The following ADCY2 variants were observed in gnomAD, a reference collection of about 807,000 sequenced individuals.
The protein encoded by ADCY2 is adenylate cyclase 2.
ADCY2 carries 31 observed loss-of-function variants against 125.2 expected under a neutral mutation model. The ratio of observed to expected loss-of-function variants is 0.25; its 90% CI spans 0.19 to 0.33. The LOEUF (loss-of-function observed/expected upper bound fraction) is 0.33, where lower values mean the gene tolerates loss of function less well. Among genes scored for constraint, ADCY2 ranks in the 10% least tolerant of loss-of-function variants. The probability of loss-of-function intolerance (pLI) is 1.00; values close to 1 mark genes in which losing one functional copy is unlikely to be tolerated. For missense variants in ADCY2, 904 were observed against 1,418.2 expected (o/e 0.64, Z 5.82); for synonymous variants, 512 against 548.4 (o/e 0.93, Z 0.93).
At chr5:7,626,479 G>A (rs1227343777) in intron 4 of ADCY2, among the ~76,000 whole-genome samples, 163 bp downstream of exon 4, 3 of 152,172 alleles carry the variant, frequency 2.0e-5, no homozygotes, top group Non-Finnish European at 4.4e-5. Context: ...GCTTAGTGCT[G>A]CTATAAAGGA....
At chr5:7,435,360 G>T (rs542467290) in intron 2 of ADCY2, among the ~76,000 whole-genome samples, 1 of 152,268 alleles carries the variant, frequency 6.6e-6, no homozygotes, top group South Asian at 2.1e-4. Flanking sequence ...TCTTCTCGCT[G>T]CCTGATGCCT....
intron 2 of ADCY2, among the ~76,000 whole-genome samples, chr5:7,482,790 A>ATATATATATATATATATG (rs1742785492): frequency 7.0e-6 from 1 of 143,318 alleles, no homozygotes; most frequent in African/African-American, 2.7e-5. Context: ...ATATATATAT[A>ATATATATATATATATATG]TACACACACA....
intron 2 of ADCY2, among the ~76,000 whole-genome samples, chr5:7,511,869 C>T (rs896952263): frequency 1.3e-5 from 2 of 152,034 alleles, no homozygotes; most frequent in South Asian, 4.2e-4. Context: ...AGGACTAGAT[C>T]ATGAGAGACC....
At chr5:7,657,051 G>C (rs535264328) in intron 4 of ADCY2, among the ~76,000 whole-genome samples, 1 of 152,216 alleles carries the variant, frequency 6.6e-6, no homozygotes, top group African/African-American at 2.4e-5. Context: ...TTGTTTTTGG[G>C]CTATGTGTAT....
At chr5:7,634,563 G>T (rs1738428455) in intron 4 of ADCY2, among the ~76,000 whole-genome samples, 1 of 152,136 alleles carries the variant, frequency 6.6e-6, no homozygotes, top group Non-Finnish European at 1.5e-5. Flanking sequence ...AATGCAAGAG[G>T]CATGTGAGAT....
chr5:7,601,556 A>T (rs1737205126), intron 3 of ADCY2, among the ~76,000 whole-genome samples: 1 of 152,236 alleles, frequency 6.6e-6, no homozygotes, highest in African/African-American at 2.4e-5. Context: ...AGGCAAGCTC[A>T]GTTTGCCTTA....
At chr5:7,482,767 G>GATAGATATATATATAT (rs1554012988) in intron 2 of ADCY2, among the ~76,000 whole-genome samples, 1 of 119,476 alleles carries the variant, frequency 8.4e-6, no homozygotes, top group South Asian at 2.6e-4. Context: ...AAGAAAATGT[G>GATAGATATATATATAT]ATATATATAT....
At chr5:7,750,578 T>G (rs1742777556) in intron 15 of ADCY2, among the ~76,000 whole-genome samples, 1 of 152,246 alleles carries the variant, frequency 6.6e-6, no homozygotes, top group Admixed American at 6.5e-5. Context: ...CATGAGGGTT[T>G]GTATATAATA....
chr5:7,659,392 A>G (rs1739450278), intron 4 of ADCY2, among the ~76,000 whole-genome samples: 1 of 152,234 alleles, frequency 6.6e-6, no homozygotes, highest in Admixed American at 6.5e-5. Flanking sequence ...TATCTTTATA[A>G]TACCCAGATT....
intron 2 of ADCY2, among the ~76,000 whole-genome samples, chr5:7,496,381 G>C (rs912159814): frequency 2.0e-5 from 3 of 152,054 alleles, no homozygotes; most frequent in African/African-American, 4.8e-5. Flanking sequence ...TAATTCTGTT[G>C]GGTAACACTG....
chr5:7,414,840 A>T, intron 2 of ADCY2, 70 bp downstream of exon 2: 1 of 1,393,198 alleles, frequency 7.2e-7, no homozygotes, highest in African/African-American at 1.5e-5. Flanking sequence ...TCTGTAAACA[A>T]CTTGGCCTTA....
At chr5:7,788,143 G>A (rs1044707140) in intron 19 of ADCY2, among the ~76,000 whole-genome samples, 1 of 152,078 alleles carries the variant, frequency 6.6e-6, no homozygotes, top group African/African-American at 2.4e-5. Context: ...TGGCATGAAC[G>A]TGAAACTTTA....
intron 3 of ADCY2, among the ~76,000 whole-genome samples, chr5:7,578,561 T>A (rs4475236): frequency 0.5 from 75,483 of 152,042 alleles, 19,568 homozygotes; most frequent in Non-Finnish European, 0.57. Flanking sequence ...TGGTTTAGGT[T>A]TTTTTGCAAT....
intron 2 of ADCY2, among the ~76,000 whole-genome samples, chr5:7,476,125 C>G (rs151007476): frequency 4.0e-4 from 61 of 152,206 alleles, no homozygotes; most frequent in African/African-American, 1.4e-3. Flanking sequence ...TTTAAAAGTA[C>G]TTCTTGAAAA....
intron 2 of ADCY2, among the ~76,000 whole-genome samples, chr5:7,501,638 T>TCCGCCCCCCC (rs1491185696): frequency 3.6e-5 from 1 of 27,934 alleles, no homozygotes. Context: ...AAGAATGAGA[T>TCCGCCCCCCC]TCCCCCCTCC....
intron 15 of ADCY2, among the ~76,000 whole-genome samples, chr5:7,755,527 A>G (rs1742966139): frequency 6.6e-6 from 1 of 152,204 alleles, no homozygotes. Flanking sequence ...TGTTTTCTTC[A>G]TTGAAATAAC....
intron 17 of ADCY2, 116 bp from the exon 18 acceptor site, chr5:7,772,816 C>A: frequency 6.5e-6 from 6 of 929,406 alleles, no homozygotes; most frequent in Non-Finnish European, 7.9e-6. Flanking sequence ...CCTCTGTTTT[C>A]ACAGCCACCT....
chr5:7,696,395 C>G (rs1469723533), intron 6 of ADCY2, among the ~76,000 whole-genome samples: 1 of 152,150 alleles, frequency 6.6e-6, no homozygotes, highest in Admixed American at 6.5e-5. Context: ...AGTTTAGTGT[C>G]TTCCATTCAT....
intron 3 of ADCY2, among the ~76,000 whole-genome samples, chr5:7,555,699 G>GT (rs746532873): frequency 1.1e-4 from 17 of 152,080 alleles, no homozygotes; most frequent in Non-Finnish European, 2.2e-4. Flanking sequence ...GGCTCCATTT[G>GT]TATCTTATAA....
Sources: allele counts gnomAD v4.1 joint callset (sites outside exome capture counted in the v4.1 genomes callset), GRCh38; gene constraint gnomAD v4.1.1; transcripts MANE v1.5; gene names NCBI Gene and HGNC (gene_info 2026-07-23, HGNC 2026-07-21).